The following OXR1 variants were observed in gnomAD, a reference collection of about 807,000 sequenced individuals.
OXR1 encodes oxidation resistance protein 1.
OXR1 carries 41 observed loss-of-function variants against 104.6 expected under a neutral mutation model. That is an observed-to-expected ratio of 0.39 (90% CI 0.31 to 0.51). The LOEUF is 0.51. Among genes scored for constraint, OXR1 ranks in the 20% least tolerant of loss-of-function variants. OXR1 has a pLI of 0.77. For missense variants in OXR1, 955 were observed against 1,031.9 expected (o/e 0.93, Z 1.02); for synonymous variants, 348 against 348.4 (o/e 1.00, Z 0.01).
chr8:106,303,918 A>G (rs900324475), intron 1 of OXR1, among the ~76,000 whole-genome samples: 5 of 152,196 alleles, frequency 3.3e-5, no homozygotes, highest in Non-Finnish European at 7.4e-5. Context: ...TTTTTTAGCT[A>G]TGCAAATTAT....
At chr8:106,704,393 CTTTTTTTTTTTTTTTTT>C (rs71307084) in intron 8 of OXR1, among the ~76,000 whole-genome samples, 14 of 47,892 alleles carry the variant, frequency 2.9e-4, no homozygotes, top group African/African-American at 1.4e-3. Flanking sequence ...CTTTCTTCTT[CTTTTTTTTTTTTTTTTT>C]TTTTTTTTTT....
At chr8:106,630,619 G>A (rs939413184) in intron 3 of OXR1, among the ~76,000 whole-genome samples, 2 of 152,178 alleles carry the variant, frequency 1.3e-5, no homozygotes, top group Non-Finnish European at 2.9e-5. Flanking sequence ...TCTGGAAGGG[G>A]AAGCGGGTTG....
At chr8:106,309,917 A>G (rs993450563) in intron 1 of OXR1, among the ~76,000 whole-genome samples, 10 of 151,688 alleles carry the variant, frequency 6.6e-5, no homozygotes, top group African/African-American at 2.4e-4. Context: ...CCACCTCTCT[A>G]TTCTTATTCC....
chr8:106,270,919 G>A (rs1344910724), intron 1 of OXR1, among the ~76,000 whole-genome samples: 1 of 152,112 alleles, frequency 6.6e-6, no homozygotes, highest in African/African-American at 2.4e-5. Flanking sequence ...GAGTGGATTC[G>A]GATAATTTGG....
rs559836356 is a variant in OXR1, at chr8:106,342,252, C to CT, written c.-138-17211dup. Among the ~76,000 whole-genome samples, 262 of 141,016 alleles carry CT rather than the reference C, an allele frequency of 1.9e-3. 1 individual carries two copies. The highest frequency in any genetic ancestry group is 0.012 in the East Asian group (59 of 4,842). 92.5% of individuals were successfully genotyped at this position (141,016 alleles called of 152,430 possible). A position where few individuals can be genotyped will look rare whatever the true frequency, so the allele number is the denominator to read the frequency against. On this transcript the variant is annotated intron_variant, in intron 1 of 16. Transcript: ENST00000517566. ...TTTCTTTTCTTTTCTTTTCTTTTTTCTTTTTTTTTTTTTCTCGAGACAGAG... is the reference window on the plus strand; with the variant it reads ...TTTCTTTTCTTTTCTTTTCTTTTTTCTTTTTTTTTTTTTTCTCGAGACAGAG...
chr8:106,626,401 G>A (rs1238358906), intron 3 of OXR1, among the ~76,000 whole-genome samples: 1 of 150,752 alleles, frequency 6.6e-6, no homozygotes, highest in Non-Finnish European at 1.5e-5. Context: ...TTCTACACAT[G>A]TCATTCTCTG....
intron 2 of OXR1, among the ~76,000 whole-genome samples, chr8:106,469,385 G>A (rs1275039341): frequency 6.6e-6 from 1 of 151,768 alleles, no homozygotes; most frequent in Non-Finnish European, 1.5e-5. Flanking sequence ...TGGGCCATAT[G>A]TCTACTTCTG....
intron 9 of OXR1, among the ~76,000 whole-genome samples, chr8:106,707,957 TGTAAC>T (rs1384281869): frequency 1.3e-5 from 2 of 152,142 alleles, no homozygotes; most frequent in Non-Finnish European, 2.9e-5. Flanking sequence ...TATGGTAAAA[TGTAAC>T]GTAAATATAT....
intron 3 of OXR1, among the ~76,000 whole-genome samples, chr8:106,656,759 T>TC: frequency 6.7e-6 from 1 of 148,828 alleles, no homozygotes; most frequent in Non-Finnish European, 1.5e-5. Context: ...GTGAAATTTA[T>TC]CCCACCTAGT....
chr8:106,453,330 G>A lies in OXR1; in HGVS notation c.24-65613G>A, dbSNP rs149004681. Among the ~76,000 whole-genome samples, 161 of 152,298 alleles carry A rather than the reference G, an allele frequency of 1.1e-3. 1 individual carries two copies. The highest frequency in any genetic ancestry group is 3.6e-3 in the African/African-American group (150 of 41,568). The stretch of plus-strand genomic sequence containing the variant: ...AAGTGTTGGGCTAACCAAAGGTAAA[G>A]TACATGGACCACTTTGAAAATGAAA... On this transcript the variant is annotated intron_variant, in intron 2 of 16. Coordinates refer to ENST00000517566, the MANE Select transcript of OXR1 (RefSeq NM_001198533.2).
At chr8:106,675,470 TG>T (rs1241688880) in intron 3 of OXR1, among the ~76,000 whole-genome samples, 3 of 152,196 alleles carry the variant, frequency 2.0e-5, no homozygotes, top group Non-Finnish European at 4.4e-5. Flanking sequence ...CTATCTTAGC[TG>T]TGTCCCAGAG....
chr8:106,603,017 T>C lies in OXR1; in HGVS notation c.221-76193T>C, dbSNP rs139273159. On this transcript the variant is annotated intron_variant, in intron 3 of 16. Transcript: ENST00000517566. The stretch of plus-strand genomic sequence containing the variant: ...ATAAGAAAGCTAGTTGACCCCATTT[T>C]CACCACTGGGTATTATTATTTTAAA... Among the ~76,000 whole-genome samples the C allele has an allele frequency of 2.5e-3, 385 of 152,336 alleles. 1 individual carries two copies. The highest frequency in any genetic ancestry group is 8.8e-3 in the African/African-American group (367 of 41,580).
At chr8:106,540,731 G>A (rs1320010322) in intron 3 of OXR1, among the ~76,000 whole-genome samples, 1 of 152,206 alleles carries the variant, frequency 6.6e-6, no homozygotes, top group East Asian at 1.9e-4. Context: ...AATCATGGTG[G>A]AAGGCAAGGA....
At position 106,697,767 on chromosome 8, in the gene OXR1, G is replaced by A. The variant is rs779137778; in HGVS notation, c.675+4890G>A. ...CCATCTGCTTGAAGGCCATGGTGGA[G>A]GCCTGGATCTTCTTTACTGGGACCT... is the stretch of plus-strand genomic sequence containing the variant. On this transcript the variant is annotated intron_variant, in intron 7 of 16. Coordinates refer to ENST00000517566, the MANE Select transcript of OXR1 (RefSeq NM_001198533.2). The A allele has an allele frequency of 3.1e-6, 5 of 1,613,464 alleles. No homozygotes were observed. In the African/African-American group the frequency reaches 4.0e-5, roughly 13 times the overall value.
At chr8:106,737,352 C>G (rs921735923) in intron 11 of OXR1, among the ~76,000 whole-genome samples, 168 bp from the exon 12 acceptor site, 24 of 149,388 alleles carry the variant, frequency 1.6e-4, no homozygotes, top group African/African-American at 5.7e-4. Flanking sequence ...ATATTTCACT[C>G]TAGTTTGATA....
At chr8:106,318,990 T>C (rs966621701) in intron 1 of OXR1, among the ~76,000 whole-genome samples, 1 of 152,240 alleles carries the variant, frequency 6.6e-6, no homozygotes, top group Non-Finnish European at 1.5e-5. Flanking sequence ...ATGGACTATT[T>C]GAATAGTTGA....
At chr8:106,457,335 A>G (rs1052301270) in intron 2 of OXR1, among the ~76,000 whole-genome samples, 10 of 152,154 alleles carry the variant, frequency 6.6e-5, no homozygotes, top group African/African-American at 2.2e-4. Flanking sequence ...ATGCAGCAGG[A>G]AGGTCCTCAC....
At chr8:106,662,858 GA>G (rs1825906408) in intron 3 of OXR1, among the ~76,000 whole-genome samples, 1 of 151,750 alleles carries the variant, frequency 6.6e-6, no homozygotes, top group Non-Finnish European at 1.5e-5. Context: ...TGATGATGAT[GA>G]TGATGATGAT....
At chr8:106,494,600 A>G (rs921235073) in intron 2 of OXR1, among the ~76,000 whole-genome samples, 1 of 152,214 alleles carries the variant, frequency 6.6e-6, no homozygotes, top group African/African-American at 2.4e-5. Flanking sequence ...CTGGGACTAA[A>G]TGAATAAATA....
Sources: gnomAD v4.1 joint callset for allele counts (sites outside exome capture counted in the v4.1 genomes callset) on GRCh38, gnomAD v4.1.1 for gene constraint, MANE v1.5 for transcripts, NCBI Gene and HGNC (gene_info 2026-07-23, HGNC 2026-07-21) for gene names.